DCAF8L2: variants seen among roughly 807,000 people sequenced by gnomAD.
DCAF8L2 encodes DDB1 and CUL4 associated factor 8 like 2, also known as DDB1- and CUL4-associated factor 8-like protein 2.
For missense variants in DCAF8L2, 430 were observed against 490.7 expected (o/e 0.88, Z 1.17); for synonymous variants, 200 against 190.9 (o/e 1.05, Z -0.39).
intron 1 of DCAF8L2, among the ~76,000 whole-genome samples, chrX:27,623,585 G>A (rs73530628): frequency 0.056 from 6,177 of 110,357 alleles, 413 homozygotes; most frequent in African/African-American, 0.19. Context: ...GGAAAGTTTT[G>A]TGTTACAACT....
At chrX:27,640,367 G>A (rs930783425) in intron 2 of DCAF8L2, among the ~76,000 whole-genome samples, 2 of 111,487 alleles carry the variant, frequency 1.8e-5, no homozygotes, top group Admixed American at 9.6e-5. Context: ...AGATTTGGGA[G>A]TCTGGCTTCT....
chrX:27,679,609 C>T (rs1930255244), intron 3 of DCAF8L2, among the ~76,000 whole-genome samples: 1 of 111,232 alleles, frequency 9.0e-6, no homozygotes, highest in Admixed American at 9.6e-5. Context: ...AATATTCAGC[C>T]TTTGTGAGCT....
At chrX:27,695,919 C>T (rs989587053) in intron 3 of DCAF8L2, among the ~76,000 whole-genome samples, 83 of 110,323 alleles carry the variant, frequency 7.5e-4, no homozygotes, top group Non-Finnish European at 2.1e-4. Flanking sequence ...TGGGGCTAGG[C>T]GTGGTGGCTC....
chrX:27,516,462 A>T, the DCAF8L2 span, among the ~76,000 whole-genome samples: 698 of 106,612 alleles, frequency 6.5e-3, 5 homozygotes, highest in African/African-American at 0.023. Flanking sequence ...TCTCACACAC[A>T]CACACACACA....
chrX:27,673,855 G>A (rs1236644571), intron 2 of DCAF8L2, among the ~76,000 whole-genome samples: 1 of 110,644 alleles, frequency 9.0e-6, no homozygotes, highest in Non-Finnish European at 1.9e-5. Flanking sequence ...AGGTAGCTGC[G>A]GCACAGAGTT....
the DCAF8L2 span, among the ~76,000 whole-genome samples, chrX:27,540,158 A>G: frequency 1.5e-3 from 168 of 111,164 alleles, no homozygotes; most frequent in African/African-American, 5.1e-3. Context: ...CATCCTTTTT[A>G]CTGCTGCCTA....
chrX:27,641,963 A>G (rs1337124239), intron 2 of DCAF8L2, among the ~76,000 whole-genome samples: 2 of 109,009 alleles, frequency 1.8e-5, no homozygotes, highest in African/African-American at 6.7e-5. Context: ...ATCTCGGCTC[A>G]CTGCAAGCTC....
intron 1 of DCAF8L2, among the ~76,000 whole-genome samples, chrX:27,619,618 C>T (rs890452508): frequency 8.9e-6 from 1 of 111,829 alleles, no homozygotes; most frequent in Non-Finnish European, 1.9e-5. Context: ...CAGGTCTAGA[C>T]GCTGCTTCAT....
chrX:27,498,745 T>C, the DCAF8L2 span, among the ~76,000 whole-genome samples: 1 of 112,311 alleles, frequency 8.9e-6, no homozygotes, highest in East Asian at 2.8e-4. Flanking sequence ...TAACCACCCT[T>C]CTACTCTGCA....
intron 3 of DCAF8L2, among the ~76,000 whole-genome samples, chrX:27,709,371 G>T (rs970460946): frequency 8.9e-6 from 1 of 112,085 alleles, no homozygotes; most frequent in African/African-American, 3.2e-5. Context: ...AACTTATTTT[G>T]TTGATTAGTG....
the DCAF8L2 span, among the ~76,000 whole-genome samples, chrX:27,564,949 G>T: frequency 1.8e-5 from 2 of 109,498 alleles, no homozygotes; most frequent in African/African-American, 6.7e-5. Flanking sequence ...AAAGTACTGG[G>T]ATTATAGGCA....
intron 4 of DCAF8L2, among the ~76,000 whole-genome samples, chrX:27,733,896 A>G (rs1001994599): frequency 3.7e-4 from 41 of 111,717 alleles, no homozygotes; most frequent in Non-Finnish European, 1.7e-4. Flanking sequence ...ATGTCAGTCA[A>G]TGTGATATAC....
intron 2 of DCAF8L2, among the ~76,000 whole-genome samples, chrX:27,646,740 T>C (rs1928954204): frequency 9.1e-6 from 1 of 109,313 alleles, no homozygotes; most frequent in Non-Finnish European, 1.9e-5. Context: ...CATTAAAAAG[T>C]GGGAAAAGAA....
chrX:27,628,792 A>T (rs1265518210), intron 1 of DCAF8L2, among the ~76,000 whole-genome samples: 6 of 109,780 alleles, frequency 5.5e-5, no homozygotes, highest in Admixed American at 1.9e-4. Context: ...TTTAGTAGAG[A>T]CGGGGTTTCA....
chrX:27,648,446 A>G (rs1929023722), intron 2 of DCAF8L2, among the ~76,000 whole-genome samples: 1 of 108,217 alleles, frequency 9.2e-6, no homozygotes, highest in African/African-American at 3.3e-5. Context: ...TAGAGGCATG[A>G]TTTTTATTTT....
At chrX:27,739,052 C>T (rs1425339152) in intron 4 of DCAF8L2, among the ~76,000 whole-genome samples, 1 of 110,992 alleles carries the variant, frequency 9.0e-6, no homozygotes, top group Non-Finnish European at 1.9e-5. Context: ...CAGCTTCCCC[C>T]TCACTACTGA....
intron 3 of DCAF8L2, among the ~76,000 whole-genome samples, chrX:27,715,700 A>G (rs1468434744): frequency 1.8e-5 from 2 of 111,862 alleles, no homozygotes; most frequent in Non-Finnish European, 3.8e-5. Context: ...TTGATGCAAA[A>G]TAAAGTGGCC....
the DCAF8L2 span, among the ~76,000 whole-genome samples, chrX:27,542,533 CTTTTTTTTT>C: frequency 1.7e-3 from 57 of 33,461 alleles, no homozygotes; most frequent in African/African-American, 7.9e-3. Context: ...CCTTTGCCTA[CTTTTTTTTT>C]TTTTTTTTTT....
At chrX:27,636,586 A>T (rs1346257938) in intron 2 of DCAF8L2, among the ~76,000 whole-genome samples, 1 of 111,585 alleles carries the variant, frequency 9.0e-6, no homozygotes, top group Admixed American at 9.6e-5. Context: ...TGAAAACTAG[A>T]TATAGAGAGC....
Sources: allele counts gnomAD v4.1 joint callset (sites outside exome capture counted in the v4.1 genomes callset), GRCh38; gene constraint gnomAD v4.1.1; transcripts MANE v1.5; gene names NCBI Gene and HGNC (gene_info 2026-07-23, HGNC 2026-07-21).